SH2B2: variants seen among roughly 807,000 people sequenced by gnomAD.
SH2B2 encodes the protein SH2B adaptor protein 2.
A neutral mutation model predicts 35.7 loss-of-function variants in SH2B2; 37 were observed. The ratio of observed to expected loss-of-function variants is 1.04; its 90% CI spans 0.80 to 1.36. SH2B2 has a LOEUF of 1.36. Among genes scored for constraint, SH2B2 ranks in the 40% most tolerant of loss-of-function variants. The probability of loss-of-function intolerance (pLI) is 0.00; values close to 1 mark genes in which losing one functional copy is unlikely to be tolerated. For synonymous variants in SH2B2, 383 were observed against 376.4 expected (o/e 1.02, Z -0.20); for missense variants, 852 against 817.7 (o/e 1.04, Z -0.51).
At chr7:102,289,620 C>T (rs1792596009) in intron 1 of SH2B2, among the ~76,000 whole-genome samples, 1 of 152,094 alleles carries the variant, frequency 6.6e-6, no homozygotes, top group Non-Finnish European at 1.5e-5. Context: ...TTCGGGGATG[C>T]TCAGATCTTA....
At chr7:102,294,832 A>G (rs1353674820) in intron 1 of SH2B2, among the ~76,000 whole-genome samples, 1 of 152,054 alleles carries the variant, frequency 6.6e-6, no homozygotes, top group Non-Finnish European at 1.5e-5. Context: ...TAGCTGCTCA[A>G]CCTGCTTCCT....
At chr7:102,317,113 C>A (rs782477303) in intron 6 of SH2B2, 74 bp from the exon 7 acceptor site, 5 of 1,240,562 alleles carry the variant, frequency 4.0e-6, no homozygotes, top group Non-Finnish European at 3.4e-6. Context: ...GACGTCACCT[C>A]TCTTCTCACA....
At position 102,297,621 on chromosome 7, in the gene SH2B2, AGGCCCCAAGTGAG is replaced by A. The variant is rs1369798275; in HGVS notation, c.-29-2897_-29-2885del. 6.6e-6 allele frequency among the ~76,000 whole-genome samples: 1 copy of A among 152,150 alleles called. No homozygotes were observed. The highest frequency in any genetic ancestry group is 6.6e-5 in the Admixed American group (1 of 15,258). ...TGTCACTAACAAGCTGTTTGTCCTT[AGGCCCCAAGTGAG>A]GGCTTAGGCGGTGACAGCTGTGACA... On this transcript the variant is annotated intron_variant, in intron 1 of 8. Coordinates refer to ENST00000444095, the MANE Select transcript of SH2B2 (RefSeq NM_001359228.2). The surrounding 1 kb of genome is among the most constrained non-coding windows in gnomAD (Gnocchi z 4.3).
At chr7:102,321,246 AG>A (rs1794060851) in intron 8 of SH2B2, 52 bp from the exon 9 acceptor site, 1 of 1,299,576 alleles carries the variant, frequency 7.7e-7, no homozygotes, top group South Asian at 1.9e-5. Flanking sequence ...GCCTCCCTGC[AG>A]GATGTGGCCA....
intron 4 of SH2B2, among the ~76,000 whole-genome samples, chr7:102,311,554 CTTT>C (rs1171961750): frequency 0.01 from 1,078 of 104,570 alleles, 19 homozygotes; most frequent in African/African-American, 0.034. Flanking sequence ...TGCAACTGGC[CTTT>C]TTTTTTTTTT....
chr7:102,293,895 A>T (rs1263867378), intron 1 of SH2B2, among the ~76,000 whole-genome samples: 2 of 151,920 alleles, frequency 1.3e-5, no homozygotes, highest in African/African-American at 4.8e-5. Flanking sequence ...CCTGGCACCA[A>T]CTCAGCTGGT....
At chr7:102,287,665 G>A (rs1792508699) in intron 1 of SH2B2, among the ~76,000 whole-genome samples, 1 of 152,164 alleles carries the variant, frequency 6.6e-6, no homozygotes, top group African/African-American at 2.4e-5. Flanking sequence ...TGCCCAAGAG[G>A]CCGGCGCCTT....
At chr7:102,306,619 G>T (rs1793408270) in intron 2 of SH2B2, 102 bp from the exon 3 acceptor site, 4 of 785,312 alleles carry the variant, frequency 5.1e-6, no homozygotes, top group Non-Finnish European at 8.9e-6. Flanking sequence ...GGTGGCTGTG[G>T]CAGTCTATTT....
chr7:102,307,524 G>C (rs1468939860), intron 3 of SH2B2, among the ~76,000 whole-genome samples: 1 of 152,002 alleles, frequency 6.6e-6, no homozygotes, highest in East Asian at 1.9e-4. Flanking sequence ...GTTTAGTCAC[G>C]GACTCACTTA....
chr7:102,301,546 G>A (rs1044715529), intron 2 of SH2B2, among the ~76,000 whole-genome samples: 2 of 148,644 alleles, frequency 1.3e-5, no homozygotes, highest in Non-Finnish European at 3.0e-5. Context: ...TCGTGTGTGT[G>A]TGTGTGTGTG....
chr7:102,299,327 C>T (rs1483736246), intron 1 of SH2B2, among the ~76,000 whole-genome samples: 1 of 150,174 alleles, frequency 6.7e-6, no homozygotes, highest in African/African-American at 2.5e-5. Context: ...GCCTCTCAGT[C>T]AGCTGGGACT....
At chr7:102,293,387 C>T (rs1387468272) in intron 1 of SH2B2, among the ~76,000 whole-genome samples, 1 of 151,412 alleles carries the variant, frequency 6.6e-6, no homozygotes, top group Non-Finnish European at 1.5e-5. Context: ...TGAGCAGGGA[C>T]TCCATTAGAC....
chr7:102,299,095 T>G (rs1431219169), intron 1 of SH2B2, among the ~76,000 whole-genome samples: 1 of 150,448 alleles, frequency 6.6e-6, no homozygotes, highest in Non-Finnish European at 1.5e-5. Context: ...GAGATGGGGT[T>G]TCACTGTGTT....
chr7:102,309,333 C>T, intron 4 of SH2B2: 1 of 350,102 alleles, frequency 2.9e-6, no homozygotes. Context: ...GCAACATAGC[C>T]AGACCCTCTC....
In SH2B2 at chr7:102,320,421, A is replaced by G. The variant is rs369810349; in HGVS notation, c.1486A>G (p.Thr496Ala). 6.6e-5 allele frequency: 106 copies of G among 1,613,278 alleles called. No homozygotes were observed. The highest frequency in any genetic ancestry group is 8.4e-5 in the Non-Finnish European group (99 of 1,179,816). ...GCTTGACATGCTCCGCCACTTCCAC[A>G]CACACCCCATCCCACTGGAGTCAGG... The part of the protein sequence containing the change: ...SVLDMLRHFH[T>A]HPIPLESGGS... The change falls in exon 8 of 9, where the codon ACA (threonine) becomes GCA (alanine). Residue 496 changes from threonine (T) to alanine (A), a missense_variant. By Grantham distance (58) the Thr-to-Ala change is moderately conservative (BLOSUM62 0). This residue lies in a region of SH2B2 where 556 missense variants were observed against 514.5 expected (regional missense o/e 1.08). Coordinates refer to ENST00000444095, the MANE Select transcript of SH2B2 (RefSeq NM_001359228.2).
At chr7:102,312,570 G>C (rs964248789) in intron 4 of SH2B2, among the ~76,000 whole-genome samples, 2 of 152,234 alleles carry the variant, frequency 1.3e-5, no homozygotes, top group African/African-American at 4.8e-5. Context: ...GTGTGGGACA[G>C]AACCCTATCT....
Position 102,297,394 on chromosome 7 carries a change from TAC to T in SH2B2, c.-29-3093_-29-3092del, listed in dbSNP as rs3988122. Among the ~76,000 whole-genome samples, 25,251 of 144,042 alleles carry T rather than the reference TAC, an allele frequency of 0.18. 2,260 individuals are homozygous for T. Among genetic ancestry groups the T allele is most frequent in the East Asian group, 0.31 (1,503 of 4,872 alleles). 94.5% of individuals were successfully genotyped at this position (144,042 alleles called of 152,430 possible). ...CATCAATAGAGTGAGATCCCATCTC[TAC>T]ACACACACACACACACACACACACA... On this transcript the variant is annotated intron_variant, in intron 1 of 8. Coordinates refer to ENST00000444095, the MANE Select transcript of SH2B2 (RefSeq NM_001359228.2). The surrounding 1 kb of genome is among the most constrained non-coding windows in gnomAD (Gnocchi z 4.3).
chr7:102,306,312 C>T (rs1167184588), intron 2 of SH2B2, among the ~76,000 whole-genome samples: 1 of 148,344 alleles, frequency 6.7e-6, no homozygotes, highest in East Asian at 2.0e-4. Context: ...TGGTCTCAAA[C>T]TCCCGACTTC....
upstream of SH2B2, among the ~76,000 whole-genome samples, chr7:102,285,641 AG>A (rs1364808630): frequency 7.9e-5 from 12 of 152,130 alleles, no homozygotes; most frequent in Non-Finnish European, 1.3e-4. Flanking sequence ...ATCCCTAAGA[AG>A]GGTTTGATAA....
Sources: gnomAD v4.1 joint callset for allele counts (sites outside exome capture counted in the v4.1 genomes callset) on GRCh38, gnomAD v4.1.1 for gene constraint, gnomAD v4.1.1 regional missense constraint, Gnocchi (gnomAD v3.1) non-coding constraint, MANE v1.5 for transcripts, NCBI Gene and HGNC (gene_info 2026-07-23, HGNC 2026-07-21) for gene names.